ATP9A: variants seen among roughly 807,000 people sequenced by gnomAD.
ATP9A encodes the protein ATPase phospholipid transporting 9A, also known as probable phospholipid-transporting ATPase IIA.
Under a neutral mutation model 144.1 loss-of-function variants are expected in ATP9A, and 52 were observed. The observed-to-expected ratio is 0.36, with a 90% confidence interval of 0.29 to 0.45. The LOEUF is 0.45. Among genes scored for constraint, ATP9A ranks in the 20% least tolerant of loss-of-function variants. ATP9A has a pLI of 1.00. For synonymous variants in ATP9A, 582 were observed against 557.4 expected (o/e 1.04, Z -0.62); for missense variants, 947 against 1,392.7 (o/e 0.68, Z 5.09).
chr20:51,629,529 A>G (rs975234905), intron 15 of ATP9A, among the ~76,000 whole-genome samples: 2 of 152,178 alleles, frequency 1.3e-5, no homozygotes, highest in Non-Finnish European at 2.9e-5. Context: ...TGCACTGTAC[A>G]ATGTTGAGCA....
At chr20:51,739,995 C>CA (rs2077778273) in intron 1 of ATP9A, among the ~76,000 whole-genome samples, 1 of 152,182 alleles carries the variant, frequency 6.6e-6, no homozygotes, top group Non-Finnish European at 1.5e-5. Flanking sequence ...CTTTCAGTCT[C>CA]AGAGTCAATA....
chr20:51,758,916 C>G (rs958410201), intron 1 of ATP9A, among the ~76,000 whole-genome samples: 1 of 152,062 alleles, frequency 6.6e-6, no homozygotes, highest in Non-Finnish European at 1.5e-5. Flanking sequence ...CAGAAGGAGA[C>G]TCTGTCTCAA....
chr20:51,702,958 C>T lies in ATP9A; in HGVS notation c.437-5476G>A, dbSNP rs115176754. On this transcript the variant is annotated intron_variant, in intron 4 of 27. Coordinates refer to ENST00000338821, the MANE Select transcript of ATP9A (RefSeq NM_006045.3). ...AGAAAATGCCCTCCTAACAGGCCTCCGGCAGGCACACTTCCCAAGCGCTCC... is the reference window on the plus strand; with the variant it reads ...AGAAAATGCCCTCCTAACAGGCCTCTGGCAGGCACACTTCCCAAGCGCTCC... 2.0e-5 allele frequency among the ~76,000 whole-genome samples: 3 copies of T among 151,616 alleles called. No homozygotes were observed. In the Admixed American group the frequency reaches 2.0e-4, roughly 10 times the overall value.
At chr20:51,693,567 C>A (rs1601109043) in intron 7 of ATP9A, among the ~76,000 whole-genome samples, 1 of 152,044 alleles carries the variant, frequency 6.6e-6, no homozygotes, top group East Asian at 1.9e-4. Flanking sequence ...CACTATGCTG[C>A]CCAGGCTGGA....
chr20:51,630,878 TG>T (rs1258439679), intron 15 of ATP9A, among the ~76,000 whole-genome samples: 4 of 152,198 alleles, frequency 2.6e-5, no homozygotes, highest in Non-Finnish European at 5.9e-5. Flanking sequence ...TTGCCTCTCC[TG>T]GAAGGTGCCC....
At chr20:51,651,137 CCT>C (rs934220515) in intron 14 of ATP9A, among the ~76,000 whole-genome samples, 36 of 92,900 alleles carry the variant, frequency 3.9e-4, no homozygotes, top group African/African-American at 6.0e-4. Flanking sequence ...CTGTACTGGT[CCT>C]CTCTCTCTCT....
intron 1 of ATP9A, among the ~76,000 whole-genome samples, chr20:51,741,901 G>A (rs1053878580): frequency 6.6e-6 from 1 of 152,166 alleles, no homozygotes; most frequent in African/African-American, 2.4e-5. Flanking sequence ...ACAATGCACA[G>A]ACAACCTCCA....
chr20:51,638,926 T>A (rs2122746013), intron 15 of ATP9A, among the ~76,000 whole-genome samples: 1 of 152,294 alleles, frequency 6.6e-6, no homozygotes, highest in Non-Finnish European at 1.5e-5. Flanking sequence ...TTTCATCATT[T>A]TGATGAAAAT....
intron 1 of ATP9A, among the ~76,000 whole-genome samples, chr20:51,762,424 G>A (rs2077884757): frequency 1.3e-5 from 2 of 151,738 alleles, no homozygotes; most frequent in Admixed American, 1.3e-4. Context: ...TGAACCGGGA[G>A]GCAGAGGTTG....
chr20:51,702,320 TATAG>T (rs1215982120), intron 4 of ATP9A, among the ~76,000 whole-genome samples: 2 of 150,154 alleles, frequency 1.3e-5, no homozygotes, highest in Admixed American at 6.7e-5. Context: ...ATTAAATATC[TATAG>T]ATACATAGTT....
At chr20:51,669,800 G>GT (rs1407058801) in intron 13 of ATP9A, among the ~76,000 whole-genome samples, 197 bp downstream of exon 13, 7 of 152,084 alleles carry the variant, frequency 4.6e-5, no homozygotes, top group Non-Finnish European at 8.8e-5. Context: ...CTGCTGATGG[G>GT]TAGAGGGCTT....
chr20:51,726,542 GCA>G (rs1340643301), intron 2 of ATP9A, among the ~76,000 whole-genome samples: 1 of 152,020 alleles, frequency 6.6e-6, no homozygotes, highest in Non-Finnish European at 1.5e-5. Flanking sequence ...ACATGGAGGG[GCA>G]CACAGGGGCA....
chr20:51,758,204 T>C (rs2122915382), intron 1 of ATP9A, among the ~76,000 whole-genome samples: 1 of 152,340 alleles, frequency 6.6e-6, no homozygotes, highest in South Asian at 2.1e-4. Context: ...CTTTCATACA[T>C]ATATTAATCT....
intron 15 of ATP9A, among the ~76,000 whole-genome samples, chr20:51,638,310 G>C (rs989419046): frequency 1.5e-5 from 2 of 137,364 alleles, no homozygotes; most frequent in African/African-American, 2.6e-5. Context: ...AAAAAAAAAA[G>C]TCCAGAAAAG....
intron 27 of ATP9A, 77 bp from the exon 28 acceptor site, chr20:51,601,424 A>G: frequency 5.7e-6 from 8 of 1,408,534 alleles, no homozygotes; most frequent in Admixed American, 2.5e-5. Flanking sequence ...AACAGGCGTC[A>G]CAACTATCAA....
intron 15 of ATP9A, among the ~76,000 whole-genome samples, chr20:51,633,906 G>A (rs1002050630): frequency 1.3e-5 from 2 of 148,740 alleles, no homozygotes; most frequent in Admixed American, 1.3e-4. Context: ...GAGGGAGGGA[G>A]GAAGAAAGGG....
At chr20:51,712,481 G>A (rs1262329174) in intron 4 of ATP9A, among the ~76,000 whole-genome samples, 2 of 152,110 alleles carry the variant, frequency 1.3e-5, no homozygotes, top group Non-Finnish European at 2.9e-5. Flanking sequence ...CAATTTCCAG[G>A]ATTTATAAAA....
At chr20:51,614,716 G>A (rs2077196513) in intron 22 of ATP9A, among the ~76,000 whole-genome samples, 1 of 152,156 alleles carries the variant, frequency 6.6e-6, no homozygotes, top group Admixed American at 6.5e-5. Context: ...CAGTGCTCAT[G>A]CCAAACCAGA....
chr20:51,672,406 C>T (rs1469221660), intron 11 of ATP9A, among the ~76,000 whole-genome samples: 2 of 152,114 alleles, frequency 1.3e-5, no homozygotes, highest in East Asian at 1.9e-4. Flanking sequence ...AATGAAGAGT[C>T]GACTCACCAA....
Sources: gnomAD v4.1 joint callset for allele counts (sites outside exome capture counted in the v4.1 genomes callset) on GRCh38, gnomAD v4.1.1 for gene constraint, MANE v1.5 for transcripts, NCBI Gene and HGNC (gene_info 2026-07-23, HGNC 2026-07-21) for gene names.